The following ASB3 variants were observed in gnomAD, a reference collection of about 807,000 sequenced individuals.
ASB3 encodes ankyrin repeat and SOCS box containing 3.
Under a neutral mutation model 54.5 loss-of-function variants are expected in ASB3, and 41 were observed. The ratio of observed to expected loss-of-function variants is 0.75; its 90% CI spans 0.59 to 0.98. The LOEUF (loss-of-function observed/expected upper bound fraction) is 0.98, where lower values mean the gene tolerates loss of function less well. Ranked by LOEUF, ASB3 falls within the 50% of genes least tolerant of loss-of-function variation. The pLI is 0.00. For missense variants in ASB3, 733 were observed against 620.0 expected, an observed-to-expected ratio of 1.18 and a Z score of -1.94; for synonymous variants, 266 against 221.2, an observed-to-expected ratio of 1.20 and a Z score of -1.80.
chr2:53,782,910 T>C (rs1674732134), intron 1 of ASB3, among the ~76,000 whole-genome samples: 1 of 152,022 alleles, frequency 6.6e-6, no homozygotes, highest in Non-Finnish European at 1.5e-5. Flanking sequence ...CCCCAGCCTC[T>C]TGAGTAGCTG....
intron 5 of ASB3, among the ~76,000 whole-genome samples, chr2:53,720,333 T>C (rs1238317713): frequency 1.3e-5 from 2 of 152,180 alleles, no homozygotes; most frequent in Non-Finnish European, 2.9e-5. Context: ...CAGGACCTCC[T>C]GAGGCTGTGT....
intron 3 of ASB3, among the ~76,000 whole-genome samples, chr2:53,730,804 A>AT (rs904533951): frequency 4.6e-5 from 7 of 151,588 alleles, no homozygotes; most frequent in African/African-American, 1.2e-4. Flanking sequence ...GAAGAATAAG[A>AT]TTTTTTTTTC....
chr2:53,755,229 C>G (rs530701968), intron 2 of ASB3, among the ~76,000 whole-genome samples: 3 of 152,356 alleles, frequency 2.0e-5, no homozygotes, highest in African/African-American at 7.2e-5. Context: ...TCAGCTGAAC[C>G]AATGCCAGCC....
intron 3 of ASB3, among the ~76,000 whole-genome samples, chr2:53,744,510 G>A (rs994023266): frequency 6.6e-5 from 10 of 151,832 alleles, no homozygotes; most frequent in African/African-American, 2.4e-4. Flanking sequence ...CTTTTTAAAT[G>A]TAACTTTTAG....
intron 9 of ASB3, among the ~76,000 whole-genome samples, chr2:53,681,899 C>T (rs977269217): frequency 2.0e-5 from 3 of 152,064 alleles, no homozygotes; most frequent in African/African-American, 7.2e-5. Flanking sequence ...GTGGCTCATG[C>T]CTGTAATCCC....
intron 8 of ASB3, among the ~76,000 whole-genome samples, chr2:53,698,643 T>C (rs1423830350): frequency 1.3e-5 from 2 of 152,214 alleles, no homozygotes; most frequent in Non-Finnish European, 2.9e-5. Flanking sequence ...CTTCACTAAT[T>C]AATAACAAGG....
chr2:53,723,261 A>C (rs755493979), intron 5 of ASB3, among the ~76,000 whole-genome samples: 15 of 152,146 alleles, frequency 9.9e-5, no homozygotes, highest in Non-Finnish European at 1.9e-4. Context: ...AAATACCCAT[A>C]CTGCCCAAAG....
At chr2:53,684,583 A>C (rs181754877) in intron 9 of ASB3, among the ~76,000 whole-genome samples, 100 of 152,322 alleles carry the variant, frequency 6.6e-4, no homozygotes, top group African/African-American at 2.1e-3. Flanking sequence ...CCCATCAACC[A>C]ATCTTCAAAC....
intron 1 of ASB3, among the ~76,000 whole-genome samples, chr2:53,768,508 CTT>C (rs1673659467): frequency 6.6e-6 from 1 of 152,180 alleles, no homozygotes; most frequent in African/African-American, 2.4e-5. Flanking sequence ...TCTAGGATTT[CTT>C]TACATCTTTC....
chr2:53,721,398 C>CAA (rs1195017138), intron 5 of ASB3, among the ~76,000 whole-genome samples: 10,184 of 87,000 alleles, frequency 0.12, 467 homozygotes, highest in Non-Finnish European at 0.16. Flanking sequence ...TACTAAACTA[C>CAA]AAAAAAAAAA....
At chr2:53,755,241 C>T (rs1672750611) in intron 2 of ASB3, among the ~76,000 whole-genome samples, 1 of 152,276 alleles carries the variant, frequency 6.6e-6, no homozygotes, top group South Asian at 2.1e-4. Flanking sequence ...ATGCCAGCCA[C>T]TGACGCCTGT....
chr2:53,749,741 G>A (rs1247552160), intron 3 of ASB3, among the ~76,000 whole-genome samples: 1 of 152,012 alleles, frequency 6.6e-6, no homozygotes, highest in Non-Finnish European at 1.5e-5. Flanking sequence ...TCATATATAT[G>A]AACAGATCAG....
intron 1 of ASB3, among the ~76,000 whole-genome samples, chr2:53,785,433 TA>T (rs66716085): frequency 0.14 from 21,281 of 147,902 alleles, 1,500 homozygotes; most frequent in East Asian, 0.17. Flanking sequence ...GAATAAATGC[TA>T]AAAAAAAAAA....
chr2:53,744,390 A>AAAAG (rs1672112171), intron 3 of ASB3, among the ~76,000 whole-genome samples: 2 of 150,050 alleles, frequency 1.3e-5, no homozygotes, highest in African/African-American at 2.4e-5. Context: ...GTCTCAAAAA[A>AAAAG]ATAAATAAAA....
At chr2:53,747,023 TA>T (rs1178034829) in intron 3 of ASB3, among the ~76,000 whole-genome samples, 1 of 152,112 alleles carries the variant, frequency 6.6e-6, no homozygotes, top group Non-Finnish European at 1.5e-5. Context: ...TTCATTAACA[TA>T]AAAAAGTACA....
intron 9 of ASB3, among the ~76,000 whole-genome samples, chr2:53,692,605 C>A (rs559693847): frequency 6.6e-6 from 1 of 152,280 alleles, no homozygotes; most frequent in South Asian, 2.1e-4. Context: ...TACTCAAGCA[C>A]AATTTTTACC....
At chr2:53,748,461 C>T (rs1032179969) in intron 3 of ASB3, 1 of 152,132 alleles carries the variant, frequency 6.6e-6, no homozygotes, top group Non-Finnish European at 1.5e-5. Flanking sequence ...TCTAGGAAAC[C>T]CAAGCTACAT....
chr2:53,690,417 A>T (rs1668850722), intron 9 of ASB3, among the ~76,000 whole-genome samples: 1 of 152,184 alleles, frequency 6.6e-6, no homozygotes, highest in African/African-American at 2.4e-5. Flanking sequence ...CACTGTAATG[A>T]CTACGTAGGA....
chr2:53,695,293 A>C (rs1669125256), intron 8 of ASB3, among the ~76,000 whole-genome samples: 1 of 152,200 alleles, frequency 6.6e-6, no homozygotes, highest in Non-Finnish European at 1.5e-5. Flanking sequence ...TCCAATAAGC[A>C]AACATCTAAG....
Sources: allele counts gnomAD v4.1 joint callset (sites outside exome capture counted in the v4.1 genomes callset), GRCh38; gene constraint gnomAD v4.1.1; transcripts MANE v1.5; gene names NCBI Gene and HGNC (gene_info 2026-07-23, HGNC 2026-07-21).